Variants in ATP6V0E1 observed in about 807,000 individuals in gnomAD.
ATP6V0E1 encodes V-type proton ATPase subunit e 1.
A neutral mutation model predicts 11.6 loss-of-function variants in ATP6V0E1; 4 were observed. The ratio of observed to expected loss-of-function variants is 0.35; its 90% CI spans 0.17 to 0.79. The LOEUF is 0.79. Ranked by LOEUF, ATP6V0E1 falls within the 30% of genes least tolerant of loss-of-function variation. The probability of loss-of-function intolerance (pLI) is 0.54; values close to 1 mark genes in which losing one functional copy is unlikely to be tolerated. For missense variants in ATP6V0E1, 105 were observed against 100.0 expected (o/e 1.05, Z -0.21); for synonymous variants, 36 against 34.8 (o/e 1.04, Z -0.13).
intron 2 of ATP6V0E1, among the ~76,000 whole-genome samples, chr5:173,012,812 A>C (rs900065627): frequency 2.0e-5 from 3 of 152,164 alleles, no homozygotes; most frequent in African/African-American, 7.2e-5. Flanking sequence ...AACAGCTAGA[A>C]GCAAACATAG....
intron 2 of ATP6V0E1, among the ~76,000 whole-genome samples, chr5:173,013,593 A>AG (rs1561773282): frequency 6.6e-6 from 1 of 150,650 alleles, no homozygotes; most frequent in Non-Finnish European, 1.5e-5. Context: ...AAAAAAAAAA[A>AG]AGAGACAACT....
intron 1 of ATP6V0E1, among the ~76,000 whole-genome samples, chr5:172,991,897 C>G (rs1755983313): frequency 1.3e-5 from 2 of 152,104 alleles, no homozygotes; most frequent in African/African-American, 4.8e-5. Context: ...CAGAGAGATC[C>G]CTTAGAATTG....
At chr5:173,032,835 G>T (rs57173397) in intron 3 of ATP6V0E1, among the ~76,000 whole-genome samples, 3,247 of 152,274 alleles carry the variant, frequency 0.021, 106 homozygotes, top group African/African-American at 0.073. Flanking sequence ...GATGGCTCAT[G>T]CCTGTAATCC....
intron 2 of ATP6V0E1, among the ~76,000 whole-genome samples, chr5:173,017,840 CAA>C (rs538210275): frequency 1.4e-4 from 9 of 66,558 alleles, no homozygotes; most frequent in African/African-American, 2.8e-4. Context: ...GACTCCTTCT[CAA>C]AAAAAAAAAA....
intron 2 of ATP6V0E1, 133 bp downstream of exon 2, chr5:172,994,955 C>T (rs781113695): frequency 9.0e-6 from 6 of 667,446 alleles, no homozygotes; most frequent in Non-Finnish European, 1.5e-5. Flanking sequence ...TCACACTTTT[C>T]ATATGCTCAG....
intron 3 of ATP6V0E1, among the ~76,000 whole-genome samples, chr5:173,032,254 TTTATTTATTTA>T (rs1243214861): frequency 0.014 from 1,236 of 89,340 alleles, 22 homozygotes; most frequent in Middle Eastern, 0.02. Flanking sequence ...TTTTATTTTA[TTTATTTATTTA>T]TTTATTTATT....
At chr5:173,008,294 T>C (rs1417115725) in intron 2 of ATP6V0E1, among the ~76,000 whole-genome samples, 2 of 150,850 alleles carry the variant, frequency 1.3e-5, no homozygotes, top group Non-Finnish European at 3.0e-5. Flanking sequence ...TTTTTTTTCT[T>C]TTCTTTTCTT....
chr5:172,999,737 A>G (rs1280733203), intron 2 of ATP6V0E1, among the ~76,000 whole-genome samples: 2 of 152,170 alleles, frequency 1.3e-5, no homozygotes, highest in Non-Finnish European at 2.9e-5. Flanking sequence ...TGACTTCTCT[A>G]CTGACAGTGG....
At chr5:172,990,388 A>T (rs1415577545) in intron 1 of ATP6V0E1, among the ~76,000 whole-genome samples, 1 of 152,226 alleles carries the variant, frequency 6.6e-6, no homozygotes, top group African/African-American at 2.4e-5. Flanking sequence ...CCATTTTCTC[A>T]CAGTGGCTTC....
chr5:173,027,762 A>C lies in ATP6V0E1; in HGVS notation c.*37-6637A>C, dbSNP rs78328949. Among the ~76,000 whole-genome samples the C allele has an allele frequency of 5.9e-3, 898 of 152,036 alleles. 9 individuals are homozygous for C. Among genetic ancestry groups the C allele is most frequent in the African/African-American group, 0.021 (851 of 41,474 alleles). On this transcript the variant is annotated intron_variant, in intron 3 of 3. Transcript: ENST00000519374. ...AGCCAATGTGCCTGGCAATAATACC[A>C]ATTTTTTTTAACCTGCCTTTTTCAT...
At chr5:172,991,353 G>A (rs1755975080) in intron 1 of ATP6V0E1, among the ~76,000 whole-genome samples, 2 of 152,212 alleles carry the variant, frequency 1.3e-5, no homozygotes, top group Admixed American at 1.3e-4. Flanking sequence ...ATACGTTAAT[G>A]AGGGAGCTTT....
chr5:173,016,495 C>T (rs774733632), intron 2 of ATP6V0E1, among the ~76,000 whole-genome samples: 16 of 152,192 alleles, frequency 1.1e-4, no homozygotes, highest in African/African-American at 2.2e-4. Context: ...AGAACCACTC[C>T]GCTACAACAT....
intron 2 of ATP6V0E1, among the ~76,000 whole-genome samples, chr5:173,014,445 G>T (rs1756373955): frequency 6.6e-6 from 1 of 152,192 alleles, no homozygotes; most frequent in Non-Finnish European, 1.5e-5. Context: ...GCTGTTCACA[G>T]TAGCAGAGAC....
chr5:173,000,295 T>C (rs529837313), intron 2 of ATP6V0E1, among the ~76,000 whole-genome samples: 98 of 152,330 alleles, frequency 6.4e-4, no homozygotes, highest in African/African-American at 2.3e-3. Context: ...ATGTTATATC[T>C]GGTTCCCTCT....
intron 1 of ATP6V0E1, among the ~76,000 whole-genome samples, chr5:172,984,281 GGTTTGTCCCT>G: frequency 6.6e-6 from 1 of 152,278 alleles, no homozygotes; most frequent in East Asian, 1.9e-4. Flanking sequence ...GAGAAACTGG[GGTTTGTCCCT>G]AGTCGACTGT....
chr5:173,007,712 C>CAGACTTGGA (rs1232829908), intron 2 of ATP6V0E1, among the ~76,000 whole-genome samples: 1 of 152,158 alleles, frequency 6.6e-6, no homozygotes, highest in African/African-American at 2.4e-5. Context: ...AACCAAAGAA[C>CAGACTTGGA]AGACTTGGAA....
rs1756337106 is a variant in ATP6V0E1 at position 173,012,257 on chromosome 5, C to G, written c.153-7981C>G. Among the ~76,000 whole-genome samples, 2 of 151,748 alleles carry G rather than the reference C, an allele frequency of 1.3e-5. 1 individual carries two copies. Among genetic ancestry groups the G allele is most frequent in the South Asian group, 4.2e-4 (2 of 4,816 alleles). The stretch of plus-strand genomic sequence containing the variant: ...ATATTGGCCAGGCTGGTCTTGGACT[C>G]CTGACCTCAGGTGATCCGCCCGCCT... On this transcript the variant is annotated intron_variant, in intron 2 of 3. Transcript: ENST00000519374.
At chr5:173,013,668 A>G (rs1756364531) in intron 2 of ATP6V0E1, among the ~76,000 whole-genome samples, 1 of 152,096 alleles carries the variant, frequency 6.6e-6, no homozygotes, top group African/African-American at 2.4e-5. Context: ...CAGAATATAT[A>G]AGGACCTCAA....
chr5:172,985,680 A>G (rs1755885943), intron 1 of ATP6V0E1, among the ~76,000 whole-genome samples: 1 of 152,196 alleles, frequency 6.6e-6, no homozygotes, highest in Non-Finnish European at 1.5e-5. Flanking sequence ...TTCCTTTCTT[A>G]AAGACCATTC....
Sources: allele counts gnomAD v4.1 joint callset (sites outside exome capture counted in the v4.1 genomes callset), GRCh38; gene constraint gnomAD v4.1.1; transcripts MANE v1.5; gene names NCBI Gene and HGNC (gene_info 2026-07-23, HGNC 2026-07-21).